The following HEPH variants were observed in gnomAD, a reference collection of about 807,000 sequenced individuals.
HEPH encodes hephaestin.
In HEPH, 69 loss-of-function variants were observed where a neutral mutation model predicts 80.8. The ratio of observed to expected loss-of-function variants is 0.85; its 90% CI spans 0.70 to 1.04. HEPH has a LOEUF of 1.04. Ranked by LOEUF, HEPH falls within the 50% of genes least tolerant of loss-of-function variation. The pLI is 0.00. For missense variants in HEPH, 1,115 were observed against 891.3 expected (o/e 1.25, Z -3.20); for synonymous variants, 431 against 322.8 (o/e 1.34, Z -3.60).
intron 15 of HEPH, among the ~76,000 whole-genome samples, chrX:66,219,925 G>A (rs1295075744): frequency 9.0e-6 from 1 of 111,557 alleles, no homozygotes; most frequent in East Asian, 2.8e-4. Flanking sequence ...TTTACTAAAT[G>A]GATTTTTCTT....
Position 66,170,621 on chromosome X carries a change from G to T in HEPH, c.51G>T (p.Trp17Cys). The part of the protein sequence containing the change: ...LWALLFMQSL[W>C]PQLTDGATRV... Reference sequence around the variant, plus strand: ...CTCTGCTGTTCATGCAGTCCTTGTGGCCTCAACTGACTGATGGAGCCACTC... The same window carrying T: ...CTCTGCTGTTCATGCAGTCCTTGTGTCCTCAACTGACTGATGGAGCCACTC... Residue 17 changes from tryptophan (W) to cysteine (C), a missense_variant, in exon 2 of 21, where the codon TGG (tryptophan) becomes TGT (cysteine). Coordinates refer to ENST00000343002, the MANE Select transcript of HEPH (RefSeq NM_001367233.3). 3 of 1,210,462 alleles carry T rather than the reference G, an allele frequency of 2.5e-6. No individual in the cohort carries two copies. Among genetic ancestry groups the T allele is most frequent in the Non-Finnish European group, 3.4e-6 (3 of 894,711 alleles).
chrX:66,248,854 A>G (rs1438113455), intron 15 of HEPH, among the ~76,000 whole-genome samples: 3 of 111,861 alleles, frequency 2.7e-5, no homozygotes, highest in African/African-American at 9.7e-5. Flanking sequence ...TTTGGAATGT[A>G]TCCTCCTTGG....
intron 4 of HEPH, among the ~76,000 whole-genome samples, chrX:66,177,429 A>G (rs973425706): frequency 3.6e-5 from 4 of 111,551 alleles, no homozygotes; most frequent in African/African-American, 1.3e-4. Flanking sequence ...AAGGTACCTA[A>G]TTCTTCCTGG....
At chrX:66,162,698 C>G, upstream of HEPH, 3 of 1,150,264 alleles carry the variant, frequency 2.6e-6, no homozygotes, top group Non-Finnish European at 2.3e-6. Context: ...GCCTAAGTGT[C>G]TGAGCACACT....
At chrX:66,174,004 G>A (rs1238599536) in intron 4 of HEPH, among the ~76,000 whole-genome samples, 2 of 109,210 alleles carry the variant, frequency 1.8e-5, no homozygotes, top group African/African-American at 6.7e-5. Context: ...CTTTGTTTGT[G>A]GGTTAGGAAC....
At chrX:66,225,395 A>T (rs2089835043) in intron 15 of HEPH, among the ~76,000 whole-genome samples, 2 of 111,969 alleles carry the variant, frequency 1.8e-5, no homozygotes, top group Non-Finnish European at 3.8e-5. Context: ...ACCAAAGCAG[A>T]ATCAAAACCA....
At chrX:66,267,653 C>G (rs957307523), downstream of HEPH, 2 of 111,257 alleles carry the variant, frequency 1.8e-5, no homozygotes, top group African/African-American at 6.5e-5. Flanking sequence ...AAGTCTGAGA[C>G]GAGACTCAAA....
At chrX:66,243,383 T>A (rs1214046655) in intron 15 of HEPH, among the ~76,000 whole-genome samples, 1 of 112,354 alleles carries the variant, frequency 8.9e-6, no homozygotes, top group African/African-American at 3.2e-5. Context: ...GCTAGTTAGG[T>A]ATTTTTGTTG....
intron 11 of HEPH, 133 bp downstream of exon 11, chrX:66,199,161 A>C: frequency 1.7e-6 from 1 of 604,497 alleles, no homozygotes; most frequent in Non-Finnish European, 2.6e-6. Flanking sequence ...CTAGATTGAG[A>C]GGCTCAACCG....
chrX:66,266,301 C>T, intron 20 of HEPH, 139 bp from the exon 21 acceptor site: 1 of 462,643 alleles, frequency 2.2e-6, no homozygotes, highest in Non-Finnish European at 3.8e-6. Context: ...CTGTCTTCAT[C>T]AGCTAGTTTT....
chrX:66,263,242 A>G (rs1420697539), intron 19 of HEPH, among the ~76,000 whole-genome samples: 3 of 112,047 alleles, frequency 2.7e-5, no homozygotes, highest in African/African-American at 6.5e-5. Context: ...ACTCAGCTTT[A>G]TTAAATCAAG....
At chrX:66,255,242 C>T (rs2091137903) in intron 16 of HEPH, 101 bp downstream of exon 16, 4 of 470,587 alleles carry the variant, frequency 8.5e-6, no homozygotes, top group Middle Eastern at 4.7e-4. Context: ...ATTCTAGAGC[C>T]TAGAATTTGG....
intron 15 of HEPH, among the ~76,000 whole-genome samples, chrX:66,210,106 C>A (rs369757589): frequency 9.0e-6 from 1 of 110,738 alleles, no homozygotes; most frequent in Admixed American, 9.6e-5. Flanking sequence ...AGGGAGGTAC[C>A]GATTGAAATG....
chrX:66,171,378 C>T (rs777471889), intron 2 of HEPH: 12 of 146,684 alleles, frequency 8.2e-5, no homozygotes, highest in Middle Eastern at 2.7e-3. Flanking sequence ...ATTTGAACCT[C>T]GATAATGAGA....
chrX:66,208,631 C>CACAT (rs1281326291), intron 15 of HEPH, among the ~76,000 whole-genome samples: 1 of 35,109 alleles, frequency 2.8e-5, no homozygotes, highest in African/African-American at 6.9e-5. Flanking sequence ...TATATACATA[C>CACAT]ATATATATAT....
At chrX:66,236,792 T>A (rs1286195952) in intron 15 of HEPH, among the ~76,000 whole-genome samples, 2 of 111,603 alleles carry the variant, frequency 1.8e-5, no homozygotes, top group Non-Finnish European at 3.8e-5. Context: ...TGATTCAACT[T>A]CAGGGCTTTT....
chrX:66,176,494 T>G (rs760955294), intron 4 of HEPH, among the ~76,000 whole-genome samples: 1 of 111,936 alleles, frequency 8.9e-6, no homozygotes, highest in Admixed American at 9.5e-5. Flanking sequence ...TAGTTTTCCT[T>G]TTTTTCTTTT....
chrX:66,238,568 G>T (rs1046846557), intron 15 of HEPH, among the ~76,000 whole-genome samples: 5 of 111,634 alleles, frequency 4.5e-5, no homozygotes, highest in African/African-American at 1.6e-4. Flanking sequence ...ACAAACAAAA[G>T]AATGTTGAAC....
At chrX:66,227,458 C>A (rs1269980107) in intron 15 of HEPH, among the ~76,000 whole-genome samples, 1 of 111,233 alleles carries the variant, frequency 9.0e-6, no homozygotes, top group Non-Finnish European at 1.9e-5. Flanking sequence ...CAAGGGCATC[C>A]AAATTGGTAA....
Sources: gnomAD v4.1 joint callset for allele counts (sites outside exome capture counted in the v4.1 genomes callset) on GRCh38, gnomAD v4.1.1 for gene constraint, MANE v1.5 for transcripts, NCBI Gene and HGNC (gene_info 2026-07-23, HGNC 2026-07-21) for gene names.